The following CPA6 variants were observed in gnomAD, a reference collection of about 807,000 sequenced individuals.
CPA6 encodes carboxypeptidase A6.
Under a neutral mutation model 63.3 loss-of-function variants are expected in CPA6, and 58 were observed. The observed-to-expected ratio is 0.92, with a 90% CI of 0.74 to 1.14. The LOEUF is 1.14. Among genes scored for constraint, CPA6 ranks in the 50% most tolerant of loss-of-function variants. The probability of loss-of-function intolerance (pLI) is 0.00; values close to 1 mark genes in which losing one functional copy is unlikely to be tolerated. For missense variants in CPA6, 565 were observed against 526.6 expected (o/e 1.07, Z -0.71); for synonymous variants, 185 against 179.0 (o/e 1.03, Z -0.27).
intron 2 of CPA6, among the ~76,000 whole-genome samples, chr8:67,574,761 C>T (rs962999113): frequency 6.6e-6 from 1 of 150,966 alleles, no homozygotes; most frequent in African/African-American, 2.4e-5. Flanking sequence ...TAGATTTAAA[C>T]ATAAAACCTG....
Position 67,730,050 on chromosome 8 carries a change from A to G in CPA6, c.116+15964T>C, listed in dbSNP as rs922870247. 4.6e-5 allele frequency among the ~76,000 whole-genome samples: 7 copies of G among 152,328 alleles called. No homozygotes were observed. The East Asian group carries it at 9.6e-4, about 21-fold the overall frequency. On this transcript the variant is annotated intron_variant, in intron 1 of 10. Coordinates refer to ENST00000297770, the MANE Select transcript of CPA6 (RefSeq NM_020361.5). ...CGGGGGAGGATTCCCCCAACAAGCA[A>G]TTCTCTCACACCAGCTGGATGTCCT...
chr8:67,487,812 T>C (rs2128961805), intron 6 of CPA6, among the ~76,000 whole-genome samples: 1 of 152,378 alleles, frequency 6.6e-6, no homozygotes, highest in East Asian at 1.9e-4. Flanking sequence ...TGACCAGTGA[T>C]GATGAGCATT....
intron 2 of CPA6, among the ~76,000 whole-genome samples, chr8:67,557,682 G>T (rs552699485): frequency 1.3e-5 from 2 of 152,262 alleles, no homozygotes; most frequent in African/African-American, 4.8e-5. Flanking sequence ...CCCCTCAGAG[G>T]TCTGAATTCT....
rs1809956387 is a variant in CPA6 at position 67,428,890 on chromosome 8, A to G, written c.1042-759T>C. ...TTAGCAATGTGCCTGTATACAACAGATGCTTGATCAATATTTCTTACATGA... is the reference window on the plus strand; with the variant it reads ...TTAGCAATGTGCCTGTATACAACAGGTGCTTGATCAATATTTCTTACATGA... On this transcript the variant is annotated intron_variant, in intron 9 of 10. Coordinates refer to ENST00000297770, the MANE Select transcript of CPA6 (RefSeq NM_020361.5). Among the ~76,000 whole-genome samples, 4 of 152,212 alleles carry G rather than the reference A, an allele frequency of 2.6e-5. 1 individual carries two copies. The highest frequency in any genetic ancestry group is 2.6e-4 in the Admixed American group (4 of 15,258).
At position 67,639,011 on chromosome 8, in the gene CPA6, G is replaced by A. The variant is rs1049567904; in HGVS notation, c.117-14760C>T. 7.3e-5 allele frequency among the ~76,000 whole-genome samples: 11 copies of A among 151,528 alleles called. No individual in the cohort carries two copies. The South Asian group carries it at 1.0e-3, about 14-fold the overall frequency. ...TCCCATAAAGTTCTAACAAATAGGA[G>A]CTTACTATCAAAAATTATACAGCAC... is the stretch of plus-strand genomic sequence containing the variant. On this transcript the variant is annotated intron_variant, in intron 1 of 10. Transcript: ENST00000297770.
intron 1 of CPA6, among the ~76,000 whole-genome samples, chr8:67,707,079 T>C (rs1193033887): frequency 6.6e-6 from 1 of 152,226 alleles, no homozygotes; most frequent in Non-Finnish European, 1.5e-5. Context: ...TTAAGACTTT[T>C]TGTCATCCAC....
intron 8 of CPA6, among the ~76,000 whole-genome samples, chr8:67,467,741 GC>G (rs1237905573): frequency 6.6e-6 from 1 of 152,066 alleles, no homozygotes; most frequent in African/African-American, 2.4e-5. Context: ...GGCGGCTTAT[GC>G]CTGTAATACC....
At chr8:67,694,457 T>C (rs1816872567) in intron 1 of CPA6, among the ~76,000 whole-genome samples, 2 of 152,212 alleles carry the variant, frequency 1.3e-5, no homozygotes, top group Non-Finnish European at 2.9e-5. Flanking sequence ...ATGAACTAAG[T>C]GTTATCTGAC....
chr8:67,679,472 G>A (rs1816547358), intron 1 of CPA6, among the ~76,000 whole-genome samples: 1 of 152,186 alleles, frequency 6.6e-6, no homozygotes, highest in African/African-American at 2.4e-5. Context: ...TATTGATAAT[G>A]TAGTAAGCTA....
intron 8 of CPA6, among the ~76,000 whole-genome samples, chr8:67,460,153 C>G (rs1810768474): frequency 6.6e-6 from 1 of 152,310 alleles, no homozygotes; most frequent in East Asian, 1.9e-4. Flanking sequence ...GGCTTGTCAA[C>G]CTCACTAGAC....
chr8:67,465,686 A>G (rs560474876), intron 8 of CPA6, among the ~76,000 whole-genome samples: 74 of 152,226 alleles, frequency 4.9e-4, no homozygotes, highest in African/African-American at 1.8e-3. Context: ...GCTGGATTTT[A>G]TTAAAAGCTT....
chr8:67,519,161 C>T (rs1812210385), intron 2 of CPA6, among the ~76,000 whole-genome samples: 1 of 152,232 alleles, frequency 6.6e-6, no homozygotes, highest in South Asian at 2.1e-4. Flanking sequence ...GCAGAAGCCA[C>T]ATCTGTTTCC....
intron 8 of CPA6, among the ~76,000 whole-genome samples, chr8:67,470,219 G>A (rs1811027230): frequency 1.3e-5 from 2 of 151,646 alleles, no homozygotes; most frequent in Admixed American, 6.6e-5. Context: ...TAGTAGAGAC[G>A]GGGTTTCCCC....
At chr8:67,514,369 C>T (rs763183890) in intron 3 of CPA6, among the ~76,000 whole-genome samples, 9 of 152,058 alleles carry the variant, frequency 5.9e-5, no homozygotes, top group Non-Finnish European at 1.2e-4. Context: ...CACCTAGGGG[C>T]CAGACACATG....
In CPA6 at chr8:67,726,760, C is replaced by T. The variant is rs553159386; in HGVS notation, c.116+19254G>A. ...GGCATTATTCTAAGCCGAAAGGCCT[C>T]GAGCACTGCTCCTCTGTTTCACATC... On this transcript the variant is annotated intron_variant, in intron 1 of 10. Transcript: ENST00000297770. Among the ~76,000 whole-genome samples the T allele has an allele frequency of 3.3e-5, 5 of 152,320 alleles. No individual in the cohort carries two copies. In the East Asian group the frequency reaches 7.7e-4, roughly 23 times the overall value.
chr8:67,422,899 C>T (rs1367990601), intron 10 of CPA6, among the ~76,000 whole-genome samples: 1 of 152,172 alleles, frequency 6.6e-6, no homozygotes, highest in East Asian at 1.9e-4. Context: ...TTTAAGGATC[C>T]AGTCTACGTG....
chr8:67,522,255 G>T (rs1812273354), intron 2 of CPA6, among the ~76,000 whole-genome samples: 1 of 152,128 alleles, frequency 6.6e-6, no homozygotes, highest in South Asian at 2.1e-4. Context: ...CGTCACAGAT[G>T]GCTACCCACT....
At chr8:67,692,328 C>CAAAAAA (rs55676882) in intron 1 of CPA6, among the ~76,000 whole-genome samples, 61 of 89,546 alleles carry the variant, frequency 6.8e-4, no homozygotes, top group East Asian at 1.7e-3. Flanking sequence ...AATCCTGTCT[C>CAAAAAA]AAAAAAAAAA....
chr8:67,583,668 T>C (rs564788551), intron 2 of CPA6, among the ~76,000 whole-genome samples: 1 of 152,198 alleles, frequency 6.6e-6, no homozygotes, highest in South Asian at 2.1e-4. Context: ...TTTGTGGGGA[T>C]GAAACAGGAA....
Sources: allele counts gnomAD v4.1 joint callset (sites outside exome capture counted in the v4.1 genomes callset), GRCh38; gene constraint gnomAD v4.1.1; transcripts MANE v1.5; gene names NCBI Gene and HGNC (gene_info 2026-07-23, HGNC 2026-07-21).